Variants in LAMC3 observed in about 807,000 individuals in gnomAD.
The protein encoded by LAMC3 is laminin subunit gamma 3.
LAMC3 carries 128 observed loss-of-function variants against 173.8 expected under a neutral mutation model. That is an observed-to-expected ratio of 0.74 (90% CI 0.64 to 0.85). The LOEUF (loss-of-function observed/expected upper bound fraction) is 0.85. Ranked by LOEUF, LAMC3 falls within the 40% of genes least tolerant of loss-of-function variation. The probability of loss-of-function intolerance (pLI) is 0.00; values close to 1 mark genes in which losing one functional copy is unlikely to be tolerated. For missense variants in LAMC3, 2,022 were observed against 2,156.0 expected (o/e 0.94, Z 1.23); for synonymous variants, 897 against 909.1 (o/e 0.99, Z 0.24).
rs1278047261 is a variant in LAMC3 at position 131,009,177 on chromosome 9, C to T, written c.-38C>T. 6.8e-6 allele frequency: 8 copies of T among 1,170,536 alleles called. No individual in the cohort carries two copies. In the East Asian group the frequency reaches 3.3e-4, roughly 48 times the overall value. 72.5% of individuals were successfully genotyped at this position (1,170,536 alleles called of 1,614,324 possible). A position where few individuals can be genotyped will look rare whatever the true frequency, so the allele number is the denominator to read the frequency against. On this transcript the variant is annotated 5_prime_UTR_variant, in exon 1 of 28. Coordinates refer to ENST00000361069, the MANE Select transcript of LAMC3 (RefSeq NM_006059.4). This position sits in a 1 kb window ranked among gnomAD's most constrained non-coding sequence, Gnocchi z 4.3. ...GCGGTCCGCGCCCACCCTAGCCGAG[C>T]GGGGCCGGCAGAGCGCGCGGCGTCG...
At chr9:131,046,793 TC>T (rs1484173687) in intron 8 of LAMC3, among the ~76,000 whole-genome samples, 2 of 152,034 alleles carry the variant, frequency 1.3e-5, no homozygotes, top group Non-Finnish European at 2.9e-5. Context: ...CCCAGCGATG[TC>T]CCACGGAGCG....
rs111694254 is a variant in LAMC3, at chr9:131,038,897, C to G, written c.1010C>G (p.Thr337Arg). 6.2e-7 allele frequency: 1 copy of G among 1,613,352 alleles called. No homozygotes were observed. The highest frequency in any genetic ancestry group is 8.5e-7 in the Non-Finnish European group (1 of 1,180,032). ...CNCSGRSEECTFDRELFRSTG... is the reference protein window; with the variant it reads ...CNCSGRSEECRFDRELFRSTG... The stretch of plus-strand genomic sequence containing the variant: ...TGCAGTGGCCGCTCCGAGGAATGCA[C>G]GTTTGATCGGGAGCTCTTCCGCAGC... Residue 337 changes from threonine (T) to arginine (R), a missense_variant, in exon 5 of 28, where the codon ACG becomes AGG. By Grantham distance (71) the Thr-to-Arg change is moderately conservative (BLOSUM62 -1). Transcript: ENST00000361069.
chr9:131,049,000 T>C lies in LAMC3; in HGVS notation c.1520-20T>C, dbSNP rs1489632009. 6.8e-7 allele frequency: 1 copy of C among 1,471,584 alleles called. No homozygotes were observed. Among genetic ancestry groups the C allele is most frequent in the East Asian group, 2.5e-5 (1 of 40,474 alleles). 91.2% of individuals were successfully genotyped at this position (1,471,584 alleles called of 1,614,324 possible). A position where few individuals can be genotyped will look rare whatever the true frequency, so the allele number is the denominator to read the frequency against. ...CCGGGGCCTCACACTGATCGGGGGG[T>C]GTCTGTGTTTGCTGTCTAGGAGCCG... On this transcript the variant is annotated intron_variant, in intron 8 of 27. Transcript: ENST00000361069.
chr9:131,053,545 T>G (rs1834339746), intron 11 of LAMC3, among the ~76,000 whole-genome samples: 1 of 152,084 alleles, frequency 6.6e-6, no homozygotes, highest in South Asian at 2.1e-4. Flanking sequence ...ATTTTAAAAA[T>G]CAATATAGGT....
chr9:131,025,600 G>T (rs934420546), intron 1 of LAMC3, among the ~76,000 whole-genome samples: 2 of 152,142 alleles, frequency 1.3e-5, no homozygotes, highest in Admixed American at 6.5e-5. Context: ...GAGGCCCCGG[G>T]AGAGGGGACT....
chr9:131,020,675 C>T (rs907643563), intron 1 of LAMC3, among the ~76,000 whole-genome samples: 5 of 152,032 alleles, frequency 3.3e-5, no homozygotes, highest in African/African-American at 7.2e-5. Flanking sequence ...AGGGAACAGA[C>T]GAGGGGCTGA....
At chr9:131,064,480 G>A (rs982497719) in intron 13 of LAMC3, among the ~76,000 whole-genome samples, 10 of 150,552 alleles carry the variant, frequency 6.6e-5, no homozygotes, top group South Asian at 2.1e-4. Context: ...TGGCTAACAC[G>A]GTGAAACCCC....
chr9:131,089,254 A>G (rs7873292), intron 27 of LAMC3, among the ~76,000 whole-genome samples: 91,356 of 151,304 alleles, frequency 0.6, 28,810 homozygotes, highest in African/African-American at 0.79. Context: ...CAGCATACCA[A>G]CATGGCACAT....
Position 131,072,482 on chromosome 9 carries a change from G to A in LAMC3, c.3212-148G>A. On this transcript the variant is annotated intron_variant, in intron 18 of 27. Coordinates refer to ENST00000361069, the MANE Select transcript of LAMC3 (RefSeq NM_006059.4). ...GGCCTCGGCCTGCACCTGGAAAATG[G>A]GGGTACTCTGCCTTTGGGACTACCT... is the stretch of plus-strand genomic sequence containing the variant. The A allele has an allele frequency of 4.2e-6, 3 of 707,826 alleles. No individual in the cohort carries two copies. The South Asian group carries it at 4.8e-5, about 11-fold the overall frequency. 43.8% of individuals were successfully genotyped at this position (707,826 alleles called of 1,614,324 possible).
In LAMC3 at chr9:131,071,520, G is replaced by A. The variant is rs375429576; in HGVS notation, c.3106G>A (p.Gly1036Arg). ...GAAGGCCAGACTGACTTTGACGGAGGGGTGGCTCCAAGGGTCCGACTGTGG... is the reference window on the plus strand; with the variant it reads ...GAAGGCCAGACTGACTTTGACGGAGAGGTGGCTCCAAGGGTCCGACTGTGG... ...KLKARLTLTEGWLQGSDCGSP... is the reference protein window; with the variant it reads ...KLKARLTLTERWLQGSDCGSP... The change falls in exon 18 of 28, where the codon GGG (glycine) becomes AGG (arginine). Residue 1036 changes from glycine to arginine, a missense_variant. Transcript: ENST00000361069. 1.2e-6 allele frequency: 2 copies of A among 1,613,780 alleles called. No individual in the cohort carries two copies. Among genetic ancestry groups the A allele is most frequent in the African/African-American group, 2.7e-5 (2 of 74,932 alleles).
At chr9:131,084,108 C>T (rs1830289086) in intron 24 of LAMC3, among the ~76,000 whole-genome samples, 1 of 149,998 alleles carries the variant, frequency 6.7e-6, no homozygotes, top group South Asian at 2.1e-4. Context: ...GTTTTGAACT[C>T]CTGACCTCTG....
intron 23 of LAMC3, 102 bp downstream of exon 23, chr9:131,079,400 A>G: frequency 7.0e-7 from 1 of 1,420,656 alleles, no homozygotes; most frequent in Admixed American, 1.9e-5. Context: ...CAGAGACAGA[A>G]GTAGCTCTGT....
At chr9:131,024,687 G>T (rs752514278) in intron 1 of LAMC3, among the ~76,000 whole-genome samples, 1 of 152,194 alleles carries the variant, frequency 6.6e-6, no homozygotes, top group Admixed American at 6.5e-5. Flanking sequence ...TGCGTGGGCC[G>T]TTCTTCCCTT....
At chr9:131,048,630 G>A (rs1834222473) in intron 8 of LAMC3, among the ~76,000 whole-genome samples, 1 of 152,154 alleles carries the variant, frequency 6.6e-6, no homozygotes, top group African/African-American at 2.4e-5. Context: ...CGTCGTGGCT[G>A]GGCCCCTTCC....
chr9:131,037,454 C>T (rs560113813), intron 4 of LAMC3, among the ~76,000 whole-genome samples: 32 of 152,286 alleles, frequency 2.1e-4, no homozygotes, highest in Admixed American at 7.2e-4. Context: ...CCTGCACACC[C>T]GAAGCTTCCT....
At chr9:131,034,979 T>C (rs1417812446) in intron 3 of LAMC3, among the ~76,000 whole-genome samples, 1 of 151,932 alleles carries the variant, frequency 6.6e-6, no homozygotes, top group Non-Finnish European at 1.5e-5. Context: ...AGACAGAGTT[T>C]TGCTCTCGTT....
rs373243323 is a variant in LAMC3 at position 131,084,734 on chromosome 9, T to TAA, written c.4031-778_4031-777dup. ...CAACATGGTGAAACTCCATCTCTAC[T>TAA]AAAAAAAAAAAAATACCAGCCGTGT... On this transcript the variant is annotated intron_variant, in intron 24 of 27. Coordinates refer to ENST00000361069, the MANE Select transcript of LAMC3 (RefSeq NM_006059.4). Among the ~76,000 whole-genome samples the TAA allele has an allele frequency of 3.3e-4, 48 of 143,566 alleles. No individual in the cohort carries two copies. In the South Asian group the frequency reaches 7.5e-3, roughly 23 times the overall value. 94.2% of individuals were successfully genotyped at this position (143,566 alleles called of 152,430 possible).
intron 1 of LAMC3, among the ~76,000 whole-genome samples, chr9:131,010,042 T>A (rs1022298955): frequency 3.3e-5 from 5 of 150,042 alleles, no homozygotes; most frequent in African/African-American, 7.4e-5. Context: ...TAGTTCCAGC[T>A]ACTCAGGAGG....
rs542639370 is a variant in LAMC3, at chr9:131,087,528, G to T, written c.4283G>T (p.Arg1428Met). ...ERKQAHRRAS[R>M]LTSQTQATLQ... is the part of the protein sequence containing the mutation. ...AAACAGGCGCACCGCCGTGCCAGCA[G>T]GCTCACCAGCCAGACGCAAGCCACG... Residue 1428 changes from arginine to methionine, a missense_variant, in exon 26 of 28, where the codon AGG becomes ATG. Transcript: ENST00000361069. 25 of 1,613,796 alleles carry T rather than the reference G, an allele frequency of 1.5e-5. No individual in the cohort carries two copies. In the African/African-American group the frequency reaches 2.9e-4, roughly 19 times the overall value.
Sources: gnomAD v4.1 joint callset for allele counts (sites outside exome capture counted in the v4.1 genomes callset) on GRCh38, gnomAD v4.1.1 for gene constraint, Gnocchi (gnomAD v3.1) non-coding constraint, MANE v1.5 for transcripts, NCBI Gene and HGNC (gene_info 2026-07-23, HGNC 2026-07-21) for gene names.